Variants in CPA6 observed in about 807,000 individuals in gnomAD.
CPA6 encodes the protein carboxypeptidase B.
In CPA6, 58 loss-of-function variants were observed where a neutral mutation model predicts 63.3. The observed-to-expected ratio is 0.92, with a 90% confidence interval of 0.74 to 1.14. The LOEUF (loss-of-function observed/expected upper bound fraction) is 1.14. Among genes scored for constraint, CPA6 ranks in the 50% most tolerant of loss-of-function variants. The probability of loss-of-function intolerance (pLI) is 0.00; values close to 1 mark genes in which losing one functional copy is unlikely to be tolerated. For missense variants in CPA6, 565 were observed against 526.6 expected (o/e 1.07, Z -0.71); for synonymous variants, 185 against 179.0 (o/e 1.03, Z -0.27).
At chr8:67,731,708 G>T (rs550280705) in intron 1 of CPA6, among the ~76,000 whole-genome samples, 2 of 152,272 alleles carry the variant, frequency 1.3e-5, no homozygotes, top group African/African-American at 2.4e-5. Context: ...TCTGAGTAGG[G>T]GAACCAAGTA....
At chr8:67,604,821 G>A (rs115772497) in intron 2 of CPA6, among the ~76,000 whole-genome samples, 2,932 of 152,018 alleles carry the variant, frequency 0.019, 103 homozygotes, top group African/African-American at 0.065. Flanking sequence ...CTTTTTACCC[G>A]GGCTGGAGTG....
At chr8:67,573,586 A>T (rs1469485847) in intron 2 of CPA6, among the ~76,000 whole-genome samples, 1 of 152,156 alleles carries the variant, frequency 6.6e-6, no homozygotes, top group Non-Finnish European at 1.5e-5. Context: ...CTGTACACAA[A>T]AAACTATAAA....
At chr8:67,455,722 G>A (rs377159098) in intron 8 of CPA6, among the ~76,000 whole-genome samples, 1 of 98,628 alleles carries the variant, frequency 1.0e-5, no homozygotes, top group Non-Finnish European at 2.1e-5. Context: ...TGTTTTTTTT[G>A]TTTGTTTTTT....
At chr8:67,738,102 AAAC>A (rs1243950181) in intron 1 of CPA6, among the ~76,000 whole-genome samples, 1 of 152,214 alleles carries the variant, frequency 6.6e-6, no homozygotes, top group East Asian at 1.9e-4. Context: ...TTTCAAAAAA[AAAC>A]AAGTGAAAGG....
At chr8:67,697,762 G>T (rs189294362) in intron 1 of CPA6, among the ~76,000 whole-genome samples, 2 of 116,514 alleles carry the variant, frequency 1.7e-5, no homozygotes, top group African/African-American at 9.7e-5. Flanking sequence ...TGTTGCAGTC[G>T]CAGGAAAAAA....
At chr8:67,521,680 T>C (rs1165220184) in intron 2 of CPA6, among the ~76,000 whole-genome samples, 3 of 152,170 alleles carry the variant, frequency 2.0e-5, no homozygotes, top group African/African-American at 7.2e-5. Flanking sequence ...TGTGTCCCCA[T>C]TCAGAGAGAT....
intron 2 of CPA6, among the ~76,000 whole-genome samples, chr8:67,535,075 T>G (rs1232926362): frequency 6.6e-6 from 1 of 152,202 alleles, no homozygotes; most frequent in African/African-American, 2.4e-5. Flanking sequence ...TATTCCATGG[T>G]GTATATGTGC....
At chr8:67,442,288 G>A (rs1431075335) in intron 8 of CPA6, among the ~76,000 whole-genome samples, 3 of 151,874 alleles carry the variant, frequency 2.0e-5, no homozygotes, top group African/African-American at 7.3e-5. Flanking sequence ...TATGCTGGAA[G>A]ACATAAAGGT....
At chr8:67,732,023 G>A (rs975408988) in intron 1 of CPA6, among the ~76,000 whole-genome samples, 1 of 152,142 alleles carries the variant, frequency 6.6e-6, no homozygotes, top group Non-Finnish European at 1.5e-5. Context: ...ACCAGCTGGT[G>A]CCCATTCTAG....
At chr8:67,604,986 C>T (rs945459004) in intron 2 of CPA6, among the ~76,000 whole-genome samples, 1 of 151,720 alleles carries the variant, frequency 6.6e-6, no homozygotes, top group Non-Finnish European at 1.5e-5. Flanking sequence ...CCATGTTGGC[C>T]AGGCTGCTCT....
At chr8:67,575,842 C>CA (rs1220968056) in intron 2 of CPA6, among the ~76,000 whole-genome samples, 4,292 of 77,276 alleles carry the variant, frequency 0.056, 88 homozygotes, top group Middle Eastern at 0.067. Flanking sequence ...ACTCTGTCTC[C>CA]AAAAAAAAAA....
chr8:67,730,404 G>A (rs1587734877), intron 1 of CPA6, among the ~76,000 whole-genome samples: 1 of 152,210 alleles, frequency 6.6e-6, no homozygotes, highest in Non-Finnish European at 1.5e-5. Flanking sequence ...TACCAACCTC[G>A]CAGTACTTCC....
intron 8 of CPA6, among the ~76,000 whole-genome samples, chr8:67,447,406 A>T (rs1300348334): frequency 2.0e-5 from 3 of 152,084 alleles, no homozygotes; most frequent in African/African-American, 7.2e-5. Flanking sequence ...CAATAATGCA[A>T]TAAGCATCAA....
intron 8 of CPA6, among the ~76,000 whole-genome samples, chr8:67,446,796 C>A (rs1481808159): frequency 1.3e-5 from 2 of 151,968 alleles, no homozygotes; most frequent in Non-Finnish European, 2.9e-5. Flanking sequence ...TAAAAGATTT[C>A]TTTTTTACTT....
chr8:67,565,554 A>C (rs547497504), intron 2 of CPA6, among the ~76,000 whole-genome samples: 2 of 152,308 alleles, frequency 1.3e-5, no homozygotes, highest in African/African-American at 2.4e-5. Context: ...GACACAGAAC[A>C]ACAGAGCAGG....
intron 1 of CPA6, among the ~76,000 whole-genome samples, chr8:67,671,773 T>C (rs1816348464): frequency 6.6e-6 from 1 of 152,260 alleles, no homozygotes; most frequent in South Asian, 2.1e-4. Context: ...CTTTTGCTTA[T>C]GTACTCCCAA....
At chr8:67,535,335 C>T (rs1012804135) in intron 2 of CPA6, among the ~76,000 whole-genome samples, 2 of 152,142 alleles carry the variant, frequency 1.3e-5, no homozygotes, top group Non-Finnish European at 2.9e-5. Context: ...AGTGTAAAAG[C>T]GTTCCCATTT....
chr8:67,541,653 A>C (rs141516019), intron 2 of CPA6, among the ~76,000 whole-genome samples: 1,749 of 152,270 alleles, frequency 0.011, 17 homozygotes, highest in South Asian at 0.019. Context: ...CTCCCGGCTG[A>C]ATAAAGCCCT....
At chr8:67,440,577 AAT>A (rs986638055) in intron 8 of CPA6, among the ~76,000 whole-genome samples, 5 of 152,152 alleles carry the variant, frequency 3.3e-5, no homozygotes, top group African/African-American at 1.2e-4. Flanking sequence ...TCTCAAAAAA[AAT>A]AATAAAAAAT....
Sources: gnomAD v4.1 joint callset for allele counts (sites outside exome capture counted in the v4.1 genomes callset) on GRCh38, gnomAD v4.1.1 for gene constraint, MANE v1.5 for transcripts, NCBI Gene and HGNC (gene_info 2026-07-23, HGNC 2026-07-21) for gene names.